FIRRM: variants seen among roughly 807,000 people sequenced by gnomAD.
The protein encoded by FIRRM is FIGNL1 interacting regulator of recombination and mitosis.
chr1:169,793,027 A>T, the FIRRM span: 2 of 1,614,164 alleles, frequency 1.2e-6, no homozygotes, highest in East Asian at 2.2e-5. Context: ...TTACTTCATC[A>T]ATCACCATAC....
At chr1:169,852,403 T>A in the FIRRM span, 1 of 245,842 alleles carries the variant, frequency 4.1e-6, no homozygotes, top group African/African-American at 2.3e-5. Flanking sequence ...GTATAGTAAT[T>A]AGTATAGTAG....
the FIRRM span, chr1:169,847,655 T>G: frequency 4.2e-6 from 6 of 1,422,918 alleles, no homozygotes; most frequent in Non-Finnish European, 5.9e-6. Flanking sequence ...ATACTGGTAT[T>G]ATTTATAACT....
At chr1:169,849,428 G>C in the FIRRM span, 1 of 1,123,996 alleles carries the variant, frequency 8.9e-7, no homozygotes, top group East Asian at 2.4e-5. Flanking sequence ...TGGGCTTATT[G>C]AATGTATGGC....
chr1:169,819,145 G>T, the FIRRM span, among the ~76,000 whole-genome samples: 1 of 152,196 alleles, frequency 6.6e-6, no homozygotes, highest in Admixed American at 6.6e-5. Context: ...CTGGATCCTG[G>T]ATTCCCAAAA....
chr1:169,816,888 A>G, the FIRRM span, among the ~76,000 whole-genome samples: 1 of 152,240 alleles, frequency 6.6e-6, no homozygotes, highest in Non-Finnish European at 1.5e-5. Flanking sequence ...GTTGCAAAAG[A>G]AAACATTCGT....
the FIRRM span, among the ~76,000 whole-genome samples, chr1:169,789,464 A>G: frequency 1.3e-5 from 2 of 152,242 alleles, 1 homozygote; most frequent in South Asian, 4.1e-4. Context: ...AGACATTTCC[A>G]TGAGTTTCTG....
chr1:169,822,886 A>G, the FIRRM span, among the ~76,000 whole-genome samples: 1 of 152,184 alleles, frequency 6.6e-6, no homozygotes, highest in Admixed American at 6.5e-5. Flanking sequence ...ACAGTTTTTA[A>G]CGTTTGAACA....
At chr1:169,818,832 A>G in the FIRRM span, among the ~76,000 whole-genome samples, 1 of 152,078 alleles carries the variant, frequency 6.6e-6, no homozygotes, top group African/African-American at 2.4e-5. Flanking sequence ...GATTACAAGC[A>G]TGAGCCACCA....
chr1:169,815,885 T>TAA, the FIRRM span, among the ~76,000 whole-genome samples: 108 of 152,294 alleles, frequency 7.1e-4, no homozygotes, highest in African/African-American at 2.5e-3. Flanking sequence ...CAAATAGACA[T>TAA]CTTCTATAAC....
the FIRRM span, chr1:169,850,525 C>T: frequency 4.1e-4 from 212 of 519,194 alleles, no homozygotes; most frequent in East Asian, 5.3e-3. Context: ...GGGCCAGGCG[C>T]GGCGGCTCAT....
the FIRRM span, chr1:169,842,348 T>TACTA: frequency 2.0e-6 from 3 of 1,520,740 alleles, no homozygotes; most frequent in Non-Finnish European, 2.7e-6. Flanking sequence ...AACCTCTAGT[T>TACTA]AAGTCGGCTC....
At chr1:169,785,227 C>T in the FIRRM span, among the ~76,000 whole-genome samples, 2 of 152,188 alleles carry the variant, frequency 1.3e-5, no homozygotes, top group Non-Finnish European at 2.9e-5. Context: ...CAGGAAGGTG[C>T]AGGAGCTGGG....
At chr1:169,795,133 G>A in the FIRRM span, 3 of 1,536,080 alleles carry the variant, frequency 2.0e-6, no homozygotes, top group Non-Finnish European at 2.6e-6. Context: ...CCCAGCTAGC[G>A]CGGTTCCCCT....
chr1:169,851,873 A>G, the FIRRM span: 1 of 1,614,070 alleles, frequency 6.2e-7, no homozygotes, highest in Non-Finnish European at 8.5e-7. Context: ...AACAGGAAAA[A>G]GGTATTTTCT....
At chr1:169,847,313 T>TAAA in the FIRRM span, among the ~76,000 whole-genome samples, 1 of 86,332 alleles carries the variant, frequency 1.2e-5, no homozygotes, top group Non-Finnish European at 2.2e-5. Flanking sequence ...CTTATATTTC[T>TAAA]AAAAAAAAAA....
chr1:169,786,959 C>A, the FIRRM span, among the ~76,000 whole-genome samples: 1 of 152,150 alleles, frequency 6.6e-6, no homozygotes, highest in Non-Finnish European at 1.5e-5. Flanking sequence ...TGGAGACCTG[C>A]TGGAGGTTTG....
At chr1:169,801,537 T>C in the FIRRM span, among the ~76,000 whole-genome samples, 1 of 148,436 alleles carries the variant, frequency 6.7e-6, no homozygotes, top group African/African-American at 2.5e-5. Context: ...CAATTTTAAA[T>C]GCTCTTGTAT....
chr1:169,804,454 TC>T, the FIRRM span: 1 of 306,044 alleles, frequency 3.3e-6, no homozygotes, highest in South Asian at 1.3e-4. Context: ...CTGTAATTTC[TC>T]CACAATGATT....
the FIRRM span, chr1:169,853,858 A>AAATTT: frequency 1.2e-5 from 17 of 1,476,040 alleles, no homozygotes; most frequent in African/African-American, 4.2e-5. Flanking sequence ...CAGGAATTTA[A>AAATTT]AATTTATCTT....
Sources: gnomAD v4.1 joint callset for allele counts (sites outside exome capture counted in the v4.1 genomes callset) on GRCh38, gnomAD v4.1.1 for gene constraint, MANE v1.5 for transcripts, NCBI Gene and HGNC (gene_info 2026-07-23, HGNC 2026-07-21) for gene names.